The following FMO2 variants were observed in gnomAD, a reference collection of about 807,000 sequenced individuals.
FMO2 encodes flavin containing dimethylaniline monoxygenase 2.
FMO2 carries 33 observed loss-of-function variants against 41.6 expected under a neutral mutation model. That is an observed-to-expected ratio of 0.79 (90% CI 0.60 to 1.06). FMO2 has a LOEUF of 1.06. FMO2 is among the 50% of genes least tolerant of loss of function. The probability of loss-of-function intolerance (pLI) is 0.00; values close to 1 mark genes in which losing one functional copy is unlikely to be tolerated. For missense variants in FMO2, 619 were observed against 632.9 expected, an observed-to-expected ratio of 0.98 and a Z score of 0.23; for synonymous variants, 214 against 219.6, an observed-to-expected ratio of 0.97 and a Z score of 0.23.
chr1:171,208,957 C>A lies in FMO2; in HGVS notation c.1420C>A (p.Arg474Ser). 1 of 1,612,890 alleles carries A rather than the reference C, an allele frequency of 6.2e-7. No individual in the cohort carries two copies. The highest frequency in any genetic ancestry group is 8.5e-7 in the Non-Finnish European group (1 of 1,179,402). The change falls in exon 9 of 9, where the codon CGC becomes AGC. Residue 474 changes from arginine to serine, a missense_variant. Arg to Ser is a moderately radical substitution (Grantham distance 110, BLOSUM62 -1). Transcript: ENST00000209929. ...CGGACCCTGCAACTCCTATCAGTAT[C>A]GCCTGGTTGGGCCTGGGCAATGGGA... is the stretch of plus-strand genomic sequence containing the variant. ...YFGPCNSYQY[R>S]LVGPGQWEGA...
rs774817343 is a variant in FMO2, at chr1:171,205,304, A to C, written c.853A>C (p.Asn285His). The change falls in exon 7 of 9, where the codon AAT (asparagine) becomes CAT (histidine). Residue 285 changes from asparagine to histidine, a missense_variant. By Grantham distance (68) the Asn-to-His change is moderately conservative (BLOSUM62 1). Transcript: ENST00000209929. ...ATACATTATGAAGGAACCTGTACTA[A>C]ATGATGATGTCCCAAGTCGTCTACT... ...NKYIMKEPVL[N>H]DDVPSRLLCG... is the part of the protein sequence containing the mutation. 1 of 1,611,978 alleles carries C rather than the reference A, an allele frequency of 6.2e-7. No homozygotes were observed. The highest frequency in any genetic ancestry group is 2.2e-5 in the East Asian group (1 of 44,850).
intron 2 of FMO2, among the ~76,000 whole-genome samples, chr1:171,187,608 CT>C (rs1657903448): frequency 7.8e-6 from 1 of 127,884 alleles, no homozygotes; most frequent in Non-Finnish European, 1.6e-5. Context: ...ATACTGATTC[CT>C]TTGGTTAAAC....
rs1658700351 is a variant in FMO2 at position 171,205,129 on chromosome 1, A to G, written c.828-150A>G. The G allele has an allele frequency of 9.2e-6, 5 of 542,344 alleles. No individual in the cohort carries two copies. The South Asian group carries it at 1.6e-4, about 17-fold the overall frequency. The allele number at this position is 542,344 out of a possible 1,614,324, so 33.6% of individuals were successfully genotyped here. ...TGACATGAGAATTAAGTCAGAAAATAAGGATTTGCACAGACAACCAGTTAA... is the reference window on the plus strand; with the variant it reads ...TGACATGAGAATTAAGTCAGAAAATGAGGATTTGCACAGACAACCAGTTAA... On this transcript the variant is annotated intron_variant, in intron 6 of 8. Transcript: ENST00000209929.
chr1:171,201,814 G>A (rs1281119455), intron 5 of FMO2, among the ~76,000 whole-genome samples: 1 of 123,884 alleles, frequency 8.1e-6, no homozygotes, highest in Non-Finnish European at 1.7e-5. Context: ...GAGGCTGCAG[G>A]AGAAAGAATG....
chr1:171,210,416 T>C lies in FMO2; in HGVS notation c.*1271T>C, dbSNP rs1658932032. The C allele has an allele frequency of 6.6e-6, 1 of 152,250 alleles. No individual in the cohort carries two copies. 9.4% of individuals were successfully genotyped at this position (152,250 alleles called of 1,614,324 possible). ...TAAACAATATGTAACCTCTAACATT[T>C]GGTAAAAGGAAGTATACTGGTCTGT... On this transcript the variant is annotated 3_prime_UTR_variant, in exon 9 of 9. Coordinates refer to ENST00000209929, the MANE Select transcript of FMO2 (RefSeq NM_001460.5).
intron 4 of FMO2, among the ~76,000 whole-genome samples, chr1:171,197,763 G>A (rs1432053618): frequency 1.3e-5 from 2 of 152,194 alleles, no homozygotes; most frequent in African/African-American, 2.4e-5. Context: ...GAGTGGAACT[G>A]GTGGCTTTAT....
At chr1:171,203,323 TCA>T (rs10628039) in intron 5 of FMO2, among the ~76,000 whole-genome samples, 4,699 of 143,704 alleles carry the variant, frequency 0.033, 82 homozygotes, top group Middle Eastern at 0.073. Context: ...AGACCCTGTC[TCA>T]CACACACACA....
At position 171,211,679 on chromosome 1, in the gene FMO2, A is replaced by T. The variant is rs1346676801; in HGVS notation, c.*2534A>T. ...CTGAGGTTGACTCAAAGGTTAAAGAAGGCTCATCAGTCTATCCTTCTGCCT... is the reference window on the plus strand; with the variant it reads ...CTGAGGTTGACTCAAAGGTTAAAGATGGCTCATCAGTCTATCCTTCTGCCT... On this transcript the variant is annotated 3_prime_UTR_variant, in exon 9 of 9. Transcript: ENST00000209929. Among the ~76,000 whole-genome samples the T allele has an allele frequency of 6.6e-6, 1 of 152,242 alleles. No homozygotes were observed. Among genetic ancestry groups the T allele is most frequent in the African/African-American group, 2.4e-5 (1 of 41,466 alleles).
In FMO2 at chr1:171,199,399, G is replaced by A; in HGVS notation, c.538G>A (p.Asp180Asn). The A allele has an allele frequency of 6.2e-7, 1 of 1,612,468 alleles. No homozygotes were observed. Among genetic ancestry groups the A allele is most frequent in the East Asian group, 2.2e-5 (1 of 44,748 alleles). Residue 180 changes from aspartate (D) to asparagine (N), a missense_variant, in exon 5 of 9, where the codon GAT (aspartate) becomes AAT (asparagine). Coordinates refer to ENST00000209929, the MANE Select transcript of FMO2 (RefSeq NM_001460.5). Reference protein sequence around the residue: ...YFHSRQYKHPDGFEGKRILVI... With the variant: ...YFHSRQYKHPNGFEGKRILVI... ...CCATAGCCGCCAATACAAGCATCCA[G>A]ATGGATTTGAGGGAAAACGCATCCT...
chr1:171,203,974 T>C lies in FMO2; in HGVS notation c.737T>C (p.Val246Ala), dbSNP rs367737584. ...HTRFRSMLRNVLPRTAVKWMI... is the reference protein window; with the variant it reads ...HTRFRSMLRNALPRTAVKWMI... ...CGGTTTCGTTCTATGCTCCGCAATGTACTGCCACGAACAGCTGTAAAATGG... is the reference window on the plus strand; with the variant it reads ...CGGTTTCGTTCTATGCTCCGCAATGCACTGCCACGAACAGCTGTAAAATGG... Residue 246 changes from valine (V) to alanine (A), a missense_variant, in exon 6 of 9, where the codon GTA becomes GCA. Val to Ala is a moderately conservative substitution (Grantham distance 64, BLOSUM62 0). Transcript: ENST00000209929. The C allele has an allele frequency of 6.2e-7, 1 of 1,613,684 alleles. No homozygotes were observed. The highest frequency in any genetic ancestry group is 1.3e-5 in the African/African-American group (1 of 74,916).
At chr1:171,195,915 C>CTG (rs60158722) in intron 3 of FMO2, among the ~76,000 whole-genome samples, 2,032 of 152,336 alleles carry the variant, frequency 0.013, 42 homozygotes, top group African/African-American at 0.047. Flanking sequence ...CAGTGGAATG[C>CTG]TGACCATGTG....
At chr1:171,188,030 A>ATTTT (rs67830022) in intron 2 of FMO2, among the ~76,000 whole-genome samples, 46 of 97,676 alleles carry the variant, frequency 4.7e-4, no homozygotes, top group African/African-American at 4.9e-4. Flanking sequence ...TTCAGCTGGA[A>ATTTT]TTTTTTTTTT....
intron 3 of FMO2, 48 bp downstream of exon 3, chr1:171,193,571 T>C (rs1557976599): frequency 4.2e-6 from 5 of 1,199,966 alleles, no homozygotes; most frequent in Non-Finnish European, 6.0e-6. Context: ...GTTCAGCTCA[T>C]ATTTAGATAG....
rs1658960983 is a variant in FMO2 at position 171,211,100 on chromosome 1, T to TGG, written c.*1955_*1956insGG. 1.3e-5 allele frequency: 2 copies of TGG among 150,864 alleles called. No homozygotes were observed. The highest frequency in any genetic ancestry group is 5.0e-5 in the African/African-American group (2 of 40,162). The allele number at this position is 150,864 out of a possible 1,614,324, so 9.3% of individuals were successfully genotyped here. A position where few individuals can be genotyped will look rare whatever the true frequency, so the allele number is the denominator to read the frequency against. ...TGCTTTGTTAAGTATTAAAGATTAT[T>TGG]TGTAAGTCATTGTATTAATAATACT... On this transcript the variant is annotated 3_prime_UTR_variant, in exon 9 of 9. Transcript: ENST00000209929.
intron 4 of FMO2, among the ~76,000 whole-genome samples, chr1:171,197,263 C>A (rs940611459): frequency 3.3e-5 from 5 of 152,154 alleles, no homozygotes; most frequent in African/African-American, 1.2e-4. Flanking sequence ...CTGTTCTGGT[C>A]CACCCAAGTC....
chr1:171,186,378 ATT>A (rs1184183108), intron 2 of FMO2: 1 of 152,734 alleles, frequency 6.5e-6, no homozygotes, highest in Non-Finnish European at 1.5e-5. Context: ...TGATAATGCT[ATT>A]TGTCTGTATT....
At chr1:171,207,897 G>A (rs1468982012) in intron 8 of FMO2, 107 bp downstream of exon 8, 1 of 723,646 alleles carries the variant, frequency 1.4e-6, no homozygotes, top group Non-Finnish European at 2.4e-6. Flanking sequence ...AAATTTCTGG[G>A]CTATAGCCCA....
intron 4 of FMO2, 44 bp downstream of exon 4, chr1:171,196,855 G>A (rs1312209474): frequency 1.9e-6 from 3 of 1,579,856 alleles, no homozygotes; most frequent in African/African-American, 2.7e-5. Context: ...TAGGTTTCCA[G>A]GTACTTTATA....
chr1:171,195,543 C>T (rs983664560), intron 3 of FMO2, among the ~76,000 whole-genome samples: 2 of 152,066 alleles, frequency 1.3e-5, no homozygotes, highest in Non-Finnish European at 2.9e-5. Flanking sequence ...TATTTAAAGC[C>T]CTTTTACAAG....
Sources: gnomAD v4.1 joint callset for allele counts (sites outside exome capture counted in the v4.1 genomes callset) on GRCh38, gnomAD v4.1.1 for gene constraint, MANE v1.5 for transcripts, NCBI Gene and HGNC (gene_info 2026-07-23, HGNC 2026-07-21) for gene names.